The following MICU2 variants were observed in gnomAD, a reference collection of about 807,000 sequenced individuals.
MICU2 encodes calcium uptake protein 2, mitochondrial.
In MICU2, 64 loss-of-function variants were observed where a neutral mutation model predicts 60.4. That is an observed-to-expected ratio of 1.06 (90% CI 0.87 to 1.31). The LOEUF (loss-of-function observed/expected upper bound fraction) is 1.31. Ranked by LOEUF, MICU2 falls within the 50% of genes most tolerant of loss-of-function variation. The probability of loss-of-function intolerance (pLI) is 0.00; values close to 1 mark genes in which losing one functional copy is unlikely to be tolerated. For synonymous variants in MICU2, 201 were observed against 175.0 expected (o/e 1.15, Z -1.17); for missense variants, 569 against 531.0 (o/e 1.07, Z -0.70).
At position 21,493,008 on chromosome 13, in the gene MICU2, C is replaced by T. The variant is rs1593309632; in HGVS notation, c.*241G>A. On this transcript the variant is annotated 3_prime_UTR_variant, in exon 12 of 12. Transcript: ENST00000382374. ...TGAATCACTAAGTTTTCCATCTTAC[C>T]GAAGTACAAAACATTATTTCAAATC... 2.5e-5 allele frequency: 7 copies of T among 274,580 alleles called. No homozygotes were observed. Among genetic ancestry groups the T allele is most frequent in the Admixed American group, 5.4e-5 (1 of 18,534 alleles). The allele number at this position is 274,580 out of a possible 1,614,324, so 17.0% of individuals were successfully genotyped here.
intron 2 of MICU2, among the ~76,000 whole-genome samples, chr13:21,553,501 C>T (rs544792523): frequency 5.9e-5 from 9 of 152,020 alleles, no homozygotes; most frequent in African/African-American, 1.4e-4. Context: ...GGCATCCCCA[C>T]CAGGCCTGCC....
At chr13:21,545,428 C>T (rs977694764) in intron 2 of MICU2, among the ~76,000 whole-genome samples, 1 of 152,176 alleles carries the variant, frequency 6.6e-6, no homozygotes, top group South Asian at 2.1e-4. Flanking sequence ...CGCCTGTAAT[C>T]CCAGCACTTT....
intron 6 of MICU2, among the ~76,000 whole-genome samples, chr13:21,519,874 T>C (rs1886674229): frequency 6.6e-6 from 1 of 152,222 alleles, no homozygotes; most frequent in Non-Finnish European, 1.5e-5. Flanking sequence ...AATGTACCCC[T>C]TTAAATGCAG....
chr13:21,529,812 T>C (rs1276191334), intron 4 of MICU2, among the ~76,000 whole-genome samples: 3 of 152,206 alleles, frequency 2.0e-5, no homozygotes, highest in East Asian at 1.9e-4. Context: ...GGAGACTCTA[T>C]ATATTCAGCC....
At chr13:21,530,069 C>T (rs1249303465) in intron 4 of MICU2, among the ~76,000 whole-genome samples, 1 of 152,210 alleles carries the variant, frequency 6.6e-6, no homozygotes, top group Non-Finnish European at 1.5e-5. Flanking sequence ...AATTCTGTAA[C>T]TCTCCAGTTC....
intron 7 of MICU2, among the ~76,000 whole-genome samples, chr13:21,513,820 G>A (rs1223677373): frequency 6.8e-6 from 1 of 146,224 alleles, no homozygotes. Context: ...TGTAGAGTAT[G>A]TTACTTCTTA....
At chr13:21,528,507 G>A (rs1338753761) in intron 4 of MICU2, among the ~76,000 whole-genome samples, 1 of 152,076 alleles carries the variant, frequency 6.6e-6, no homozygotes, top group African/African-American at 2.4e-5. Context: ...TATACTATCA[G>A]ATCACAATCA....
chr13:21,543,684 A>G (rs986278848), intron 2 of MICU2, among the ~76,000 whole-genome samples: 2 of 152,196 alleles, frequency 1.3e-5, no homozygotes, highest in Non-Finnish European at 2.9e-5. Flanking sequence ...GACGAATGGA[A>G]AAACATCCCC....
chr13:21,576,803 A>AC (rs1363981411), intron 1 of MICU2, among the ~76,000 whole-genome samples: 3 of 152,062 alleles, frequency 2.0e-5, no homozygotes, highest in African/African-American at 7.2e-5. Flanking sequence ...CTCATGCCCC[A>AC]CCCCTAACCC....
chr13:21,531,997 C>T (rs1240187480), intron 4 of MICU2, among the ~76,000 whole-genome samples: 1 of 152,174 alleles, frequency 6.6e-6, no homozygotes, highest in East Asian at 1.9e-4. Context: ...GATGTGACAA[C>T]AATCTAACAG....
chr13:21,527,124 C>T (rs1012320727), intron 4 of MICU2, among the ~76,000 whole-genome samples: 1 of 151,996 alleles, frequency 6.6e-6, no homozygotes, highest in African/African-American at 2.4e-5. Context: ...GACTATAGTA[C>T]GTTTTCAGAT....
At chr13:21,568,880 A>G (rs1480721367) in intron 1 of MICU2, among the ~76,000 whole-genome samples, 1 of 151,714 alleles carries the variant, frequency 6.6e-6, no homozygotes, top group East Asian at 1.9e-4. Context: ...GACCCCACAA[A>G]CTCCTCTATC....
chr13:21,543,459 G>A (rs1887331843), intron 2 of MICU2, among the ~76,000 whole-genome samples: 1 of 152,060 alleles, frequency 6.6e-6, no homozygotes, highest in Non-Finnish European at 1.5e-5. Flanking sequence ...TAGAATAAAT[G>A]AATTCAGTAA....
chr13:21,504,522 T>A (rs1862120518), intron 8 of MICU2, among the ~76,000 whole-genome samples: 3 of 152,248 alleles, frequency 2.0e-5, no homozygotes, highest in Non-Finnish European at 4.4e-5. Flanking sequence ...CAATTTATGA[T>A]GATAATCTTT....
At position 21,501,230 on chromosome 13, in the gene MICU2, A is replaced by G. The variant is rs1169560982; in HGVS notation, c.933+1696T>C. On this transcript the variant is annotated intron_variant, in intron 9 of 11. Transcript: ENST00000382374. Reference sequence around the variant, plus strand: ...CTGTTTTAGTTACCAAGGTTTGATAATATATTTTAATATGTTGACATTCTT... The same window carrying G: ...CTGTTTTAGTTACCAAGGTTTGATAGTATATTTTAATATGTTGACATTCTT... Among the ~76,000 whole-genome samples the G allele has an allele frequency of 7.9e-5, 12 of 152,212 alleles. No homozygotes were observed. The East Asian group carries it at 2.3e-3, about 29-fold the overall frequency.
chr13:21,544,741 T>C (rs1019118654), intron 2 of MICU2, among the ~76,000 whole-genome samples: 1 of 152,210 alleles, frequency 6.6e-6, no homozygotes, highest in East Asian at 1.9e-4. Flanking sequence ...AGTCCTCAAC[T>C]TCCTGGGCTC....
rs115853029 is a variant in MICU2, at chr13:21,538,354, G to T, written c.466+948C>A. On this transcript the variant is annotated intron_variant, in intron 4 of 11. Transcript: ENST00000382374. Reference sequence around the variant, plus strand: ...AATGGCCAAGTCAGGAGGACTGCTTGAGCCCAGGAGTTTGAGTCCAGCCTG... The same window carrying T: ...AATGGCCAAGTCAGGAGGACTGCTTTAGCCCAGGAGTTTGAGTCCAGCCTG... Among the ~76,000 whole-genome samples the T allele has an allele frequency of 1.9e-3, 294 of 151,960 alleles. 1 individual carries two copies. Among genetic ancestry groups the T allele is most frequent in the African/African-American group, 6.8e-3 (281 of 41,476 alleles).
chr13:21,566,298 C>T (rs1887980675), intron 2 of MICU2, among the ~76,000 whole-genome samples: 1 of 152,178 alleles, frequency 6.6e-6, no homozygotes, highest in African/African-American at 2.4e-5. Context: ...GGGTCAAATC[C>T]ACTCTATGCA....
In MICU2 at chr13:21,566,906, C is replaced by T. The variant is rs556957719; in HGVS notation, c.249G>A (p.Pro83=). The T allele has an allele frequency of 3.7e-5, 60 of 1,609,250 alleles. No homozygotes were observed. The highest frequency in any genetic ancestry group is 1.7e-4 in the Middle Eastern group (1 of 6,042). Residue 83 remains proline, a synonymous_variant, in exon 2 of 12, where the codon CCG becomes CCA. Coordinates refer to ENST00000382374, the MANE Select transcript of MICU2 (RefSeq NM_152726.3). ...VEHGIIYIGK[P]SLRKQRFMQF... ...GCATGAAGCGCTGCTTACGAAGAGA[C>T]GGTTTCCCAATATATATTATTCCAT...
Sources: gnomAD v4.1 joint callset for allele counts (sites outside exome capture counted in the v4.1 genomes callset) on GRCh38, gnomAD v4.1.1 for gene constraint, MANE v1.5 for transcripts, NCBI Gene and HGNC (gene_info 2026-07-23, HGNC 2026-07-21) for gene names.